GRIP1: variants seen among roughly 807,000 people sequenced by gnomAD.
The protein encoded by GRIP1 is glutamate receptor interacting protein 1.
Under a neutral mutation model 129.9 loss-of-function variants are expected in GRIP1, and 45 were observed. The ratio of observed to expected loss-of-function variants is 0.35; its 90% CI spans 0.27 to 0.44. GRIP1 has a LOEUF of 0.44. Among genes scored for constraint, GRIP1 ranks in the 20% least tolerant of loss-of-function variants. The pLI is 1.00. For synonymous variants in GRIP1, 530 were observed against 520.8 expected (o/e 1.02, Z -0.24); for missense variants, 1,196 against 1,396.8 (o/e 0.86, Z 2.29).
intron 1 of GRIP1, among the ~76,000 whole-genome samples, chr12:66,836,228 A>G (rs2039611102): frequency 1.3e-5 from 2 of 152,100 alleles, no homozygotes; most frequent in Admixed American, 1.3e-4. Context: ...CTTATGGACA[A>G]TGTTGCTCAA....
At chr12:66,419,041 A>AT (rs1354495176) in intron 15 of GRIP1, among the ~76,000 whole-genome samples, 1 of 152,202 alleles carries the variant, frequency 6.6e-6, no homozygotes, top group Non-Finnish European at 1.5e-5. Flanking sequence ...TGCAAGCAAC[A>AT]TAAGTGTCCA....
intron 5 of GRIP1, among the ~76,000 whole-genome samples, chr12:66,525,101 A>G (rs1473320986): frequency 2.0e-5 from 3 of 152,250 alleles, no homozygotes; most frequent in African/African-American, 7.2e-5. Flanking sequence ...TACCAAAGCT[A>G]CAAGGAGGAG....
At chr12:66,836,194 C>T (rs972243864) in intron 1 of GRIP1, among the ~76,000 whole-genome samples, 1 of 152,076 alleles carries the variant, frequency 6.6e-6, no homozygotes, top group African/African-American at 2.4e-5. Context: ...CAAAACCCAC[C>T]TATGATATAA....
intron 1 of GRIP1, among the ~76,000 whole-genome samples, chr12:66,965,332 A>AC (rs1395425190): frequency 1.3e-5 from 2 of 152,084 alleles, no homozygotes; most frequent in African/African-American, 4.8e-5. Flanking sequence ...ATTACTCTCT[A>AC]ACACCTTTTC....
At chr12:66,691,677 A>G (rs1437953199) in intron 1 of GRIP1, among the ~76,000 whole-genome samples, 1 of 152,218 alleles carries the variant, frequency 6.6e-6, no homozygotes, top group Non-Finnish European at 1.5e-5. Context: ...CTTTTATTCT[A>G]AAGCTACCTT....
At chr12:66,635,206 T>A (rs2031239352) in intron 1 of GRIP1, among the ~76,000 whole-genome samples, 1 of 151,972 alleles carries the variant, frequency 6.6e-6, no homozygotes, top group Admixed American at 6.6e-5. Flanking sequence ...ATGGTTGAGG[T>A]CAGGGGTTCA....
At chr12:66,974,213 C>T (rs978347376) in intron 1 of GRIP1, among the ~76,000 whole-genome samples, 5 of 152,006 alleles carry the variant, frequency 3.3e-5, no homozygotes, top group Non-Finnish European at 7.4e-5. Flanking sequence ...CATGAGCCAC[C>T]GCACCTGGCC....
chr12:66,775,151 CT>C lies in GRIP1; in HGVS notation c.-420+28901del, dbSNP rs375477914. ...TAAAGGATGCATCTGTGCTCAGCCC[CT>C]AATTGCCAGCCTAGTGGATGTTTTT... On this transcript the variant is annotated intron_variant, in intron 1 of 4. Coordinates refer to the GRIP1 transcript ENST00000538373. Among the ~76,000 whole-genome samples, 305 of 152,260 alleles carry C rather than the reference CT, an allele frequency of 2.0e-3. 3 individuals are homozygous for C. The highest frequency in any genetic ancestry group is 6.6e-3 in the African/African-American group (276 of 41,540).
At chr12:66,351,260 T>G (rs1264514265) in intron 24 of GRIP1, among the ~76,000 whole-genome samples, 2 of 152,230 alleles carry the variant, frequency 1.3e-5, no homozygotes, top group Non-Finnish European at 2.9e-5. Context: ...GGTGACAAAC[T>G]GTTTCCAGGT....
intron 1 of GRIP1, among the ~76,000 whole-genome samples, chr12:66,904,215 G>A (rs532041599): frequency 1.3e-5 from 2 of 152,322 alleles, no homozygotes; most frequent in Non-Finnish European, 2.9e-5. Flanking sequence ...GGGCACTGTA[G>A]TATAATCTTA....
intron 3 of GRIP1, among the ~76,000 whole-genome samples, chr12:66,539,485 AT>A (rs1301828722): frequency 8.2e-6 from 1 of 121,764 alleles, no homozygotes; most frequent in Non-Finnish European, 1.7e-5. Context: ...ACTATCTCTG[AT>A]TTTTTTCCTT....
intron 1 of GRIP1, among the ~76,000 whole-genome samples, chr12:66,963,586 A>G (rs2041954342): frequency 1.3e-5 from 2 of 152,230 alleles, no homozygotes; most frequent in African/African-American, 4.8e-5. Flanking sequence ...AATGACAAAC[A>G]TAACAATAAG....
chr12:66,865,332 A>G lies in GRIP1; in HGVS notation c.58+203718T>C, dbSNP rs12424898. ...TGATGAAATTCCTGATGTAAAAAAGAACAGTTCCTAATCAAAGAATCTTAT... is the reference window on the plus strand; with the variant it reads ...TGATGAAATTCCTGATGTAAAAAAGGACAGTTCCTAATCAAAGAATCTTAT... On this transcript the variant is annotated intron_variant, in intron 1 of 1. Coordinates refer to the GRIP1 transcript ENST00000643019. Among the ~76,000 whole-genome samples, 1,068 of 152,310 alleles carry G rather than the reference A, an allele frequency of 7.0e-3. 56 individuals carry two copies. Among genetic ancestry groups the G allele is most frequent in the Admixed American group, 0.06 (919 of 15,282 alleles).
Position 66,678,949 on chromosome 12 carries a change from G to A in GRIP1, c.-45C>T. 1 of 1,612,550 alleles carries A rather than the reference G, an allele frequency of 6.2e-7. No individual in the cohort carries two copies. The highest frequency in any genetic ancestry group is 8.5e-7 in the Non-Finnish European group (1 of 1,179,076). On this transcript the variant is annotated 5_prime_UTR_variant, in exon 1 of 25. An upstream open reading frame in the 5' UTR gains an earlier in-frame stop. Transcript: ENST00000359742. ...TGGCAAAGTGTACTCAAGGCTCTCT[G>A]CTCTGGTGGCTGCAGCAGCAGCAGC...
chr12:66,625,214 C>T (rs1346166496), intron 1 of GRIP1, among the ~76,000 whole-genome samples: 2 of 152,096 alleles, frequency 1.3e-5, no homozygotes, highest in Non-Finnish European at 2.9e-5. Context: ...ATTATAATAG[C>T]TTCATTTTGT....
chr12:67,056,983 A>G (rs6581733), intron 1 of GRIP1, among the ~76,000 whole-genome samples: 148,773 of 152,172 alleles, frequency 0.98, 72,810 homozygotes, highest in East Asian at 1. Flanking sequence ...GCTAATTTTT[A>G]TATGTTTAGT....
At chr12:66,896,928 C>T (rs538503421) in intron 1 of GRIP1, among the ~76,000 whole-genome samples, 71 of 152,288 alleles carry the variant, frequency 4.7e-4, no homozygotes, top group African/African-American at 1.6e-3. Context: ...GACACTCTTC[C>T]GAAGACCTGT....
rs1565666323 is a variant in GRIP1, at chr12:66,363,199, C to CTATATATATATATATATATA, written c.3012+8494_3012+8495insTATATATATATATATATATA. On this transcript the variant is annotated intron_variant, in intron 23 of 24. Transcript: ENST00000359742. ...TATATGTATATATGTGTGTGTGTGT[C>CTATATATATATATATATATA]CATATATATATATATATATATATAT... 2.7e-3 allele frequency among the ~76,000 whole-genome samples: 96 copies of CTATATATATATATATATATA among 35,320 alleles called. 3 individuals are homozygous for CTATATATATATATATATATA. The highest frequency in any genetic ancestry group is 6.7e-3 in the African/African-American group (88 of 13,176). 23.2% of individuals were successfully genotyped at this position (35,320 alleles called of 152,430 possible).
chr12:66,975,528 T>C (rs562504906), intron 1 of GRIP1, among the ~76,000 whole-genome samples: 2 of 152,320 alleles, frequency 1.3e-5, no homozygotes, highest in South Asian at 4.1e-4. Flanking sequence ...CCTACCATGA[T>C]AGAGGACTTA....
Sources: gnomAD v4.1 joint callset for allele counts (sites outside exome capture counted in the v4.1 genomes callset) on GRCh38, gnomAD v4.1.1 for gene constraint, MANE v1.5 for transcripts, NCBI Gene and HGNC (gene_info 2026-07-23, HGNC 2026-07-21) for gene names.